SPNS3: variants seen among roughly 807,000 people sequenced by gnomAD.
The protein encoded by SPNS3 is protein spinster homolog 3.
In SPNS3, 51 loss-of-function variants were observed where a neutral mutation model predicts 54.4. That is an observed-to-expected ratio of 0.94 (90% CI 0.75 to 1.18). The LOEUF (loss-of-function observed/expected upper bound fraction) is 1.18. Among genes scored for constraint, SPNS3 ranks in the 50% most tolerant of loss-of-function variants. The probability of loss-of-function intolerance (pLI) is 0.00; values close to 1 mark genes in which losing one functional copy is unlikely to be tolerated. For missense variants in SPNS3, 669 were observed against 677.4 expected (o/e 0.99, Z 0.14); for synonymous variants, 309 against 294.7 (o/e 1.05, Z -0.50).
At chr17:4,487,523 G>C (rs1213771134) in intron 11 of SPNS3, among the ~76,000 whole-genome samples, 1 of 152,220 alleles carries the variant, frequency 6.6e-6, no homozygotes, top group Non-Finnish European at 1.5e-5. Flanking sequence ...GCACCGAGGT[G>C]GTCTGATTGA....
chr17:4,471,233 T>TAAA (rs1971846496), intron 8 of SPNS3, among the ~76,000 whole-genome samples: 2 of 151,614 alleles, frequency 1.3e-5, no homozygotes, highest in South Asian at 4.2e-4. Context: ...CACAGTCTGC[T>TAAA]CTTTAAGCAT....
chr17:4,481,149 C>T (rs576065235), intron 9 of SPNS3, among the ~76,000 whole-genome samples: 40 of 151,984 alleles, frequency 2.6e-4, no homozygotes, highest in African/African-American at 9.4e-4. Context: ...GGCAGAAGAT[C>T]CCAGGAAGCT....
intron 9 of SPNS3, chr17:4,482,170 G>A (rs998142454): frequency 1.3e-5 from 2 of 152,318 alleles, no homozygotes; most frequent in Non-Finnish European, 2.9e-5. Context: ...ATAGGTGTGA[G>A]CCACTGCGCC....
chr17:4,473,393 CTT>C (rs57102011), intron 8 of SPNS3, among the ~76,000 whole-genome samples: 46 of 129,574 alleles, frequency 3.6e-4, no homozygotes, highest in Admixed American at 4.8e-4. Context: ...TCTTCCCAGT[CTT>C]TTTTTTTTTT....
intron 2 of SPNS3, 70 bp from the exon 3 acceptor site, chr17:4,444,962 G>T (rs1237086450): frequency 6.5e-7 from 1 of 1,538,192 alleles, no homozygotes; most frequent in South Asian, 1.2e-5. Context: ...CTCCTTCCCT[G>T]GGCCTGCTGG....
chr17:4,451,268 T>C (rs1351215298), intron 7 of SPNS3, among the ~76,000 whole-genome samples: 1 of 146,746 alleles, frequency 6.8e-6, no homozygotes, highest in Middle Eastern at 3.2e-3. Context: ...TTTTTTTCCA[T>C]TTGAGACAGA....
At chr17:4,480,829 C>A (rs1316819167) in intron 9 of SPNS3, among the ~76,000 whole-genome samples, 1 of 19,058 alleles carries the variant, frequency 5.2e-5, no homozygotes, top group Non-Finnish European at 9.3e-5. Flanking sequence ...ATGCTTTGCA[C>A]CACCATCCCA....
intron 8 of SPNS3, among the ~76,000 whole-genome samples, chr17:4,468,714 C>CTTTCTTT: frequency 1.3e-5 from 1 of 79,056 alleles, no homozygotes. Flanking sequence ...ATTTCTCTCT[C>CTTTCTTT]TCTTTCTTTT....
intron 7 of SPNS3, among the ~76,000 whole-genome samples, chr17:4,450,265 T>C (rs1425687962): frequency 6.6e-6 from 1 of 151,404 alleles, no homozygotes; most frequent in East Asian, 1.9e-4. Flanking sequence ...TCCTTCCTCC[T>C]CTTTTCTCTC....
At chr17:4,455,207 C>T (rs1185525117) in intron 8 of SPNS3, among the ~76,000 whole-genome samples, 2 of 152,226 alleles carry the variant, frequency 1.3e-5, no homozygotes, top group Admixed American at 6.5e-5. Context: ...AGCCATCACG[C>T]CCAGCCCCAA....
rs1970945942 is a variant in SPNS3 at position 4,445,028 on chromosome 17, T to G, written c.266-4T>G. 1 of 1,612,908 alleles carries G rather than the reference T, an allele frequency of 6.2e-7. No homozygotes were observed. The highest frequency in any genetic ancestry group is 8.5e-7 in the Non-Finnish European group (1 of 1,179,368). On this transcript the variant is annotated splice_region_variant and splice_polypyrimidine_tract_variant and intron_variant, in intron 2 of 11. Transcript: ENST00000355530. ...TCCAGGCTGCCCCTGTGTGTCTCCTTCAGTCTTCGTTAGCTGCCTGCTGCT... is the reference window on the plus strand; with the variant it reads ...TCCAGGCTGCCCCTGTGTGTCTCCTGCAGTCTTCGTTAGCTGCCTGCTGCT...
At chr17:4,450,122 C>T (rs1971118120) in intron 7 of SPNS3, among the ~76,000 whole-genome samples, 1 of 151,944 alleles carries the variant, frequency 6.6e-6, no homozygotes, top group Admixed American at 6.6e-5. Context: ...CTCTCTGACC[C>T]TGTCCTGGTG....
At chr17:4,481,993 A>T (rs1231041050) in intron 9 of SPNS3, 3 of 151,378 alleles carry the variant, frequency 2.0e-5, no homozygotes, top group African/African-American at 7.3e-5. Flanking sequence ...GGTTCAAGCG[A>T]TTCTCCTGCC....
intron 8 of SPNS3, among the ~76,000 whole-genome samples, chr17:4,458,491 T>C (rs952014897): frequency 6.0e-5 from 4 of 66,146 alleles, no homozygotes; most frequent in Admixed American, 2.0e-4. Flanking sequence ...TTTTCTTCTT[T>C]CTTTCTTTCT....
chr17:4,438,066 C>T (rs370156067), intron 1 of SPNS3, among the ~76,000 whole-genome samples: 3 of 152,216 alleles, frequency 2.0e-5, no homozygotes, highest in African/African-American at 4.8e-5. Flanking sequence ...GGATTACAGG[C>T]GTGAGCCACC....
chr17:4,446,874 C>A (rs750128103), intron 4 of SPNS3, 22 bp from the exon 5 acceptor site: 1 of 1,612,372 alleles, frequency 6.2e-7, no homozygotes, highest in Non-Finnish European at 8.5e-7. Flanking sequence ...CACAGCCCAT[C>A]GCCCCTGCCC....
At position 4,439,530 on chromosome 17, in the gene SPNS3, A is replaced by G. The variant is rs1484631365; in HGVS notation, c.200-128A>G. 9.8e-6 allele frequency: 7 copies of G among 713,434 alleles called. No homozygotes were observed. The African/African-American group carries it at 1.2e-4, about 13-fold the overall frequency. The allele number at this position is 713,434 out of a possible 1,614,324, so 44.2% of individuals were successfully genotyped here. A position where few individuals can be genotyped will look rare whatever the true frequency, so the allele number is the denominator to read the frequency against. On this transcript the variant is annotated intron_variant, in intron 1 of 11. Transcript: ENST00000355530. Reference sequence around the variant, plus strand: ...TGTATGGGAGAGAGGGGGAGAGAACAGTGGGCTTGGGTGCCATGCCCTGTG... The same window carrying G: ...TGTATGGGAGAGAGGGGGAGAGAACGGTGGGCTTGGGTGCCATGCCCTGTG...
intron 8 of SPNS3, among the ~76,000 whole-genome samples, chr17:4,475,104 A>G (rs887704545): frequency 9.2e-5 from 14 of 151,404 alleles, no homozygotes; most frequent in African/African-American, 3.4e-4. Context: ...GCCGGGGATG[A>G]CTAAAGCCAG....
chr17:4,458,034 G>A (rs888950920), intron 8 of SPNS3, among the ~76,000 whole-genome samples: 1 of 149,336 alleles, frequency 6.7e-6, no homozygotes, highest in Non-Finnish European at 1.5e-5. Flanking sequence ...GGCTCTGTCT[G>A]TGCCTCCGTA....
Sources: allele counts gnomAD v4.1 joint callset (sites outside exome capture counted in the v4.1 genomes callset), GRCh38; gene constraint gnomAD v4.1.1; transcripts MANE v1.5; gene names NCBI Gene and HGNC (gene_info 2026-07-23, HGNC 2026-07-21).